The following CD4 variants were observed in gnomAD, a reference collection of about 807,000 sequenced individuals.
CD4 encodes the protein T-cell surface glycoprotein CD4.
A neutral mutation model predicts 50.5 loss-of-function variants in CD4; 25 were observed. The observed-to-expected ratio is 0.49, with a 90% CI of 0.36 to 0.69. CD4 has a LOEUF of 0.69. Ranked by LOEUF, CD4 falls within the 30% of genes least tolerant of loss-of-function variation. The probability of loss-of-function intolerance (pLI) is 0.00; values close to 1 mark genes in which losing one functional copy is unlikely to be tolerated. For missense variants in CD4, 456 were observed against 548.5 expected, an observed-to-expected ratio of 0.83 and a Z score of 1.68; for synonymous variants, 207 against 221.9, an observed-to-expected ratio of 0.93 and a Z score of 0.60.
intron 1 of CD4, among the ~76,000 whole-genome samples, chr12:6,790,880 T>A (rs1446475425): frequency 1.3e-5 from 2 of 152,346 alleles, no homozygotes; most frequent in African/African-American, 4.8e-5. Context: ...GCCCTGCTCT[T>A]GTGGTGGACA....
chr12:6,801,710 G>GCA (rs1942559106), intron 3 of CD4, among the ~76,000 whole-genome samples: 2 of 150,442 alleles, frequency 1.3e-5, no homozygotes, highest in Admixed American at 6.6e-5. Flanking sequence ...ACAGGCGTAT[G>GCA]CCACCATGCC....
chr12:6,811,743 C>A (rs1308508113), intron 3 of CD4, among the ~76,000 whole-genome samples: 1 of 151,430 alleles, frequency 6.6e-6, no homozygotes, highest in African/African-American at 2.4e-5. Flanking sequence ...AACTCCTGAC[C>A]TCAAGTGATC....
chr12:6,817,065 G>C (rs1254618486), intron 6 of CD4, 65 bp from the exon 7 acceptor site: 2 of 1,387,458 alleles, frequency 1.4e-6, no homozygotes, highest in African/African-American at 2.8e-5. Flanking sequence ...CACCCATATA[G>C]AGTATCATTT....
At chr12:6,812,789 G>GTT (rs1253892091) in intron 3 of CD4, among the ~76,000 whole-genome samples, 2 of 151,920 alleles carry the variant, frequency 1.3e-5, no homozygotes, top group African/African-American at 4.8e-5. Context: ...GTGTGTGTGT[G>GTT]TGTGTGTGTG....
intron 1 of CD4, among the ~76,000 whole-genome samples, chr12:6,790,783 G>C (rs1942134146): frequency 6.6e-6 from 1 of 152,172 alleles, no homozygotes; most frequent in African/African-American, 2.4e-5. Flanking sequence ...GAGGTTTCCT[G>C]GGGTACGTTC....
intron 1 of CD4, chr12:6,799,134 T>C (rs1332124544): frequency 6.6e-6 from 1 of 152,198 alleles, no homozygotes; most frequent in Non-Finnish European, 1.5e-5. Flanking sequence ...CTGGCTGATG[T>C]TGTGAAGTCC....
In CD4 at chr12:6,816,001, G is replaced by A. The variant is rs782348417; in HGVS notation, c.608-55G>A. 3.3e-5 allele frequency: 53 copies of A among 1,608,474 alleles called. No individual in the cohort carries two copies. The highest frequency in any genetic ancestry group is 3.3e-4 in the Middle Eastern group (2 of 6,046). On this transcript the variant is annotated intron_variant, in intron 5 of 9. Coordinates refer to ENST00000011653, the MANE Select transcript of CD4 (RefSeq NM_000616.5). The surrounding 1 kb of genome is among the most constrained non-coding windows in gnomAD (Gnocchi z 4.9). ...CTGCCTCCACATGCCAACCCCACTC[G>A]TGCACCCTCATCTTCCTATCTCCTC...
In CD4 at chr12:6,818,526, GGTGCCGGCACCGAAGGGTGA is replaced by G; in HGVS notation, c.1265_1278+6del. 6.2e-7 allele frequency: 1 copy of G among 1,612,930 alleles called. No individual in the cohort carries two copies. The highest frequency in any genetic ancestry group is 8.5e-7 in the Non-Finnish European group (1 of 1,180,026). ...GGGCTAGGCATCTTCTTCTGTGTCA[GGTGCCGGCACCGAAGGGTGA>G]GTAACCCCACACCTGGTCCCCACAA... On this transcript the variant is annotated splice_donor_variant and splice_donor_region_variant and coding_sequence_variant and intron_variant, in exon 8 of 10. Transcript: ENST00000011653. LOFTEE classifies it high-confidence loss of function. The surrounding 1 kb of genome is among the most constrained non-coding windows in gnomAD (Gnocchi z 5.0).
chr12:6,794,394 T>C (rs1159779269), intron 1 of CD4, among the ~76,000 whole-genome samples: 28 of 130,926 alleles, frequency 2.1e-4, no homozygotes, highest in Admixed American at 1.9e-3. Flanking sequence ...TTTTTTGAGA[T>C]GGAGTCTCGC....
At position 6,806,160 on chromosome 12, in the gene CD4, C is replaced by T. The variant is rs76714906; in HGVS notation, c.214+5689C>T. Among the ~76,000 whole-genome samples the T allele has an allele frequency of 3.1e-4, 31 of 100,700 alleles. No homozygotes were observed. The East Asian group carries it at 9.7e-3, about 31-fold the overall frequency. 66.1% of individuals were successfully genotyped at this position (100,700 alleles called of 152,430 possible). A position where few individuals can be genotyped will look rare whatever the true frequency, so the allele number is the denominator to read the frequency against. On this transcript the variant is annotated intron_variant, in intron 3 of 9. Coordinates refer to ENST00000011653, the MANE Select transcript of CD4 (RefSeq NM_000616.5). Reference sequence around the variant, plus strand: ...CCAAAAAAAAAAAAAGGTACATACACACACACACACACACACACACACATA... The same window carrying T: ...CCAAAAAAAAAAAAAGGTACATACATACACACACACACACACACACACATA...
In CD4 at chr12:6,800,325, C is replaced by G. The variant is rs1237234163; in HGVS notation, c.68C>G (p.Thr23Ser). 2 of 1,613,858 alleles carry G rather than the reference C, an allele frequency of 1.2e-6. No homozygotes were observed. ...CACTTAGCGCTCCTCCCAGCAGCCA[C>G]TCAGGGAAAGAAAGTGGTGCTGGGC... ...VLQLALLPAA[T>S]QGKKVVLGKK... is the part of the protein sequence containing the mutation. Residue 23 changes from threonine to serine, a missense_variant, in exon 3 of 10, where the codon ACT becomes AGT. Coordinates refer to ENST00000011653, the MANE Select transcript of CD4 (RefSeq NM_000616.5).
chr12:6,794,796 T>TTTTTTTTTTTTTG (rs1942319863), intron 1 of CD4, among the ~76,000 whole-genome samples: 1 of 141,674 alleles, frequency 7.1e-6, no homozygotes, highest in African/African-American at 2.6e-5. Flanking sequence ...GTTTTTTTTT[T>TTTTTTTTTTTTTG]TTTTTTGAGA....
rs1022355826 is a variant in CD4 at position 6,792,882 on chromosome 12, C to A, written c.-68+3220C>A. On this transcript the variant is annotated intron_variant, in intron 1 of 9. Coordinates refer to ENST00000011653, the MANE Select transcript of CD4 (RefSeq NM_000616.5). The surrounding 1 kb of genome is among the most constrained non-coding windows in gnomAD (Gnocchi z 4.1). ...GGAAGACAGACACAGACACAGGGAG[C>A]TGCAGGCTGGGGGCATAAGCTGGGG... is the stretch of plus-strand genomic sequence containing the variant. Among the ~76,000 whole-genome samples, 2 of 152,032 alleles carry A rather than the reference C, an allele frequency of 1.3e-5. No individual in the cohort carries two copies. Among genetic ancestry groups the A allele is most frequent in the Non-Finnish European group, 1.5e-5 (1 of 68,024 alleles).
intron 2 of CD4, 46 bp downstream of exon 2, chr12:6,800,233 A>C (rs782201667): frequency 6.2e-7 from 1 of 1,612,890 alleles, no homozygotes; most frequent in South Asian, 1.1e-5. Context: ...CGTGGGAGGA[A>C]AGGCAAAGGT....
chr12:6,791,709 C>T (rs1011617048), intron 1 of CD4, among the ~76,000 whole-genome samples: 1 of 152,116 alleles, frequency 6.6e-6, no homozygotes, highest in Admixed American at 6.5e-5. Context: ...GGTGAAACCC[C>T]CATCTCTACA....
At chr12:6,795,587 A>G (rs1178740731) in intron 1 of CD4, among the ~76,000 whole-genome samples, 2 of 152,358 alleles carry the variant, frequency 1.3e-5, no homozygotes, top group Middle Eastern at 3.4e-3. Flanking sequence ...GAATCAATCA[A>G]TTTGAAGCAC....
At chr12:6,794,006 C>CTATCTATCTATCT (rs77524161) in intron 1 of CD4, among the ~76,000 whole-genome samples, 1 of 92,618 alleles carries the variant, frequency 1.1e-5, no homozygotes, top group Non-Finnish European at 2.7e-5. Context: ...ATCTATCTAT[C>CTATCTATCTATCT]ACCTATCTAT....
intron 3 of CD4, among the ~76,000 whole-genome samples, chr12:6,809,650 C>T (rs1388292770): frequency 6.6e-6 from 1 of 152,154 alleles, no homozygotes; most frequent in Non-Finnish European, 1.5e-5. Context: ...TTTCCCTTCC[C>T]CCTGCTGCAG....
chr12:6,795,122 A>ATCTG (rs1942333291), intron 1 of CD4, among the ~76,000 whole-genome samples: 1 of 151,372 alleles, frequency 6.6e-6, no homozygotes, highest in Non-Finnish European at 1.5e-5. Flanking sequence ...CTATCTATCT[A>ATCTG]TCTATCTATC....
Sources: allele counts gnomAD v4.1 joint callset (sites outside exome capture counted in the v4.1 genomes callset), GRCh38; gene constraint gnomAD v4.1.1; non-coding constraint Gnocchi (gnomAD v3.1); transcripts MANE v1.5; gene names NCBI Gene and HGNC (gene_info 2026-07-23, HGNC 2026-07-21).